PPFIBP2: variants seen among roughly 807,000 people sequenced by gnomAD.
PPFIBP2 encodes the protein liprin-beta-2.
PPFIBP2 carries 118 observed loss-of-function variants against 118.3 expected under a neutral mutation model. The ratio of observed to expected loss-of-function variants is 1.00; its 90% CI spans 0.86 to 1.16. PPFIBP2 has a LOEUF of 1.16. Among genes scored for constraint, PPFIBP2 ranks in the 50% most tolerant of loss-of-function variants. The pLI is 0.00. For missense variants in PPFIBP2, 1,195 were observed against 1,073.1 expected (o/e 1.11, Z -1.59); for synonymous variants, 414 against 397.4 (o/e 1.04, Z -0.50).
intron 9 of PPFIBP2, among the ~76,000 whole-genome samples, chr11:7,628,825 G>T (rs1850370998): frequency 6.6e-6 from 1 of 152,142 alleles, no homozygotes; most frequent in Non-Finnish European, 1.5e-5. Context: ...GTGCCTGGCT[G>T]GTATAAACAT....
At chr11:7,525,044 A>G (rs558963782) in intron 1 of PPFIBP2, among the ~76,000 whole-genome samples, 1 of 152,250 alleles carries the variant, frequency 6.6e-6, no homozygotes, top group Non-Finnish European at 1.5e-5. Context: ...TGCCCCGGGC[A>G]GGGATTATTG....
In PPFIBP2 at chr11:7,554,147, G is replaced by GCCA. The variant is rs1853307541; in HGVS notation, c.64+4616_64+4618dup. On this transcript the variant is annotated intron_variant, in intron 2 of 23. Transcript: ENST00000299492. ...TTTAGATTGCATGATGTCAAGTAGT[G>GCCA]CCACCACCACTGCCAAAACACAACT... Among the ~76,000 whole-genome samples the GCCA allele has an allele frequency of 2.6e-5, 4 of 152,242 alleles. No individual in the cohort carries two copies. In the South Asian group the frequency reaches 8.3e-4, roughly 32 times the overall value.
chr11:7,554,817 ATTGGGT>A (rs146532068), intron 2 of PPFIBP2, among the ~76,000 whole-genome samples: 1 of 150,762 alleles, frequency 6.6e-6, no homozygotes, highest in African/African-American at 2.5e-5. Flanking sequence ...ACTAGACTAG[ATTGGGT>A]CTATACTAGA....
chr11:7,649,046 A>T, intron 19 of PPFIBP2, 101 bp from the exon 20 acceptor site: 1 of 1,384,822 alleles, frequency 7.2e-7, no homozygotes, highest in South Asian at 1.2e-5. Flanking sequence ...CTTTTGGGGG[A>T]ATAAAACGAA....
At chr11:7,558,643 C>A (rs1439172504) in intron 2 of PPFIBP2, among the ~76,000 whole-genome samples, 4 of 151,932 alleles carry the variant, frequency 2.6e-5, no homozygotes, top group Non-Finnish European at 4.4e-5. Context: ...GTACTCCCAC[C>A]TACTCGGGAG....
At position 7,629,558 on chromosome 11, in the gene PPFIBP2, G is replaced by A. The variant is rs7933316; in HGVS notation, c.964+24G>A. 27,653 of 1,607,786 alleles carry A rather than the reference G, an allele frequency of 0.017. 1,611 individuals carry two copies. In the African/African-American group the frequency reaches 0.18, roughly 11 times the overall value. On this transcript the variant is annotated intron_variant, in intron 10 of 23. Coordinates refer to ENST00000299492, the MANE Select transcript of PPFIBP2 (RefSeq NM_003621.5). Reference sequence around the variant, plus strand: ...AGGTAAGAGCAAGGGCGATCCTACCGTTGTCTCTGAAAGATATTCCATCAG... The same window carrying A: ...AGGTAAGAGCAAGGGCGATCCTACCATTGTCTCTGAAAGATATTCCATCAG...
chr11:7,664,070 C>A, the PPFIBP2 span, among the ~76,000 whole-genome samples: 1 of 152,172 alleles, frequency 6.6e-6, no homozygotes, highest in South Asian at 2.1e-4. Context: ...TGAGATGAAC[C>A]CGGTACCTCA....
At chr11:7,597,490 G>A in intron 4 of PPFIBP2, 70 bp from the exon 5 acceptor site, 1 of 1,527,304 alleles carries the variant, frequency 6.5e-7, no homozygotes, top group African/African-American at 1.4e-5. Context: ...CGGCTCCCCT[G>A]AGGTGGGGAG....
At chr11:7,605,657 G>A (rs1565043591) in intron 5 of PPFIBP2, 1 of 1,213,366 alleles carries the variant, frequency 8.2e-7, no homozygotes. Flanking sequence ...TCAAGGTACA[G>A]AGTTGATAAG....
At chr11:7,610,567 C>T in intron 6 of PPFIBP2, 145 bp downstream of exon 6, 1 of 1,181,630 alleles carries the variant, frequency 8.5e-7, no homozygotes, top group Non-Finnish European at 1.2e-6. Flanking sequence ...CTGTTAATAC[C>T]AAGTTATCAG....
chr11:7,533,635 G>A (rs897430966), intron 1 of PPFIBP2, among the ~76,000 whole-genome samples: 2 of 152,226 alleles, frequency 1.3e-5, no homozygotes, highest in African/African-American at 2.4e-5. Flanking sequence ...AGGGATGAGG[G>A]GTAATGGTGT....
chr11:7,639,773 T>G lies in PPFIBP2; in HGVS notation c.1278T>G (p.Pro426=), dbSNP rs778201606. The G allele has an allele frequency of 6.2e-7, 1 of 1,614,146 alleles. No homozygotes were observed. Among genetic ancestry groups the G allele is most frequent in the Admixed American group, 1.7e-5 (1 of 60,008 alleles). The part of the protein sequence containing the change: ...FLAEHKYPTL[P]GKLSGATPNG... Reference sequence around the variant, plus strand: ...CGGAGCACAAATATCCCACTTTACCTGGGAAGCTTTCAGGAGCCACGCCCA... The same window carrying G: ...CGGAGCACAAATATCCCACTTTACCGGGGAAGCTTTCAGGAGCCACGCCCA... Residue 426 remains proline (P), a synonymous_variant, in exon 15 of 24, where the codon CCT becomes CCG. Transcript: ENST00000299492.
chr11:7,612,717 T>G (rs1484949421), intron 6 of PPFIBP2, among the ~76,000 whole-genome samples: 1 of 152,240 alleles, frequency 6.6e-6, no homozygotes, highest in Non-Finnish European at 1.5e-5. Flanking sequence ...AGTACAAATA[T>G]TAGGTTTCCA....
At chr11:7,626,920 A>AT (rs1265435480) in intron 8 of PPFIBP2, among the ~76,000 whole-genome samples, 1 of 152,200 alleles carries the variant, frequency 6.6e-6, no homozygotes, top group Admixed American at 6.5e-5. Context: ...ATTAGTGATC[A>AT]ATGTGCTCGT....
At chr11:7,592,452 T>C (rs778145631) in intron 3 of PPFIBP2, among the ~76,000 whole-genome samples, 1 of 152,206 alleles carries the variant, frequency 6.6e-6, no homozygotes, top group Admixed American at 6.5e-5. Flanking sequence ...CTGGCTATTA[T>C]TTAAGTTCTT....
chr11:7,553,070 T>G (rs79849226), intron 2 of PPFIBP2, among the ~76,000 whole-genome samples: 9,505 of 152,264 alleles, frequency 0.062, 316 homozygotes, highest in Non-Finnish European at 0.084. Context: ...ATGTTTTTTT[T>G]TCATTTGCTT....
At chr11:7,639,692 G>A (rs2135870143) in intron 14 of PPFIBP2, 40 bp from the exon 15 acceptor site, 1 of 1,613,148 alleles carries the variant, frequency 6.2e-7, no homozygotes. Flanking sequence ...GAGGCTGACA[G>A]TTAAGTCGGT....
chr11:7,651,325 G>A (rs1853974085), intron 22 of PPFIBP2: 2 of 353,288 alleles, frequency 5.7e-6, no homozygotes, highest in African/African-American at 4.1e-5. Context: ...TCACTACTCA[G>A]ATCTGTCAGT....
intron 12 of PPFIBP2, 36 bp from the exon 13 acceptor site, chr11:7,634,459 T>C (rs1337057744): frequency 3.9e-6 from 6 of 1,525,306 alleles, no homozygotes; most frequent in Non-Finnish European, 5.5e-6. Flanking sequence ...TGTACCTCCT[T>C]CTCATAACTA....
Sources: gnomAD v4.1 joint callset for allele counts (sites outside exome capture counted in the v4.1 genomes callset) on GRCh38, gnomAD v4.1.1 for gene constraint, MANE v1.5 for transcripts, NCBI Gene and HGNC (gene_info 2026-07-23, HGNC 2026-07-21) for gene names.